KCTD16: variants seen among roughly 807,000 people sequenced by gnomAD.
The protein encoded by KCTD16 is potassium channel tetramerization domain containing 16.
Under a neutral mutation model 33.2 loss-of-function variants are expected in KCTD16, and 13 were observed. That is an observed-to-expected ratio of 0.39 (90% CI 0.25 to 0.62). The LOEUF is 0.62. Ranked by LOEUF, KCTD16 falls within the 20% of genes least tolerant of loss-of-function variation. The pLI is 0.50. For missense variants in KCTD16, 441 were observed against 525.1 expected, an observed-to-expected ratio of 0.84 and a Z score of 1.57; for synonymous variants, 197 against 195.3, an observed-to-expected ratio of 1.01 and a Z score of -0.07.
rs887786865 is a variant in KCTD16, at chr5:144,484,304, G to A, written c.*10190G>A. 2 of 151,844 alleles carry A rather than the reference G, an allele frequency of 1.3e-5. No individual in the cohort carries two copies. Among genetic ancestry groups the A allele is most frequent in the African/African-American group, 4.8e-5 (2 of 41,384 alleles). 9.4% of individuals were successfully genotyped at this position (151,844 alleles called of 1,614,324 possible). ...GAGCTGCACTTCAGAGAGTCCCACT[G>A]TAATCTGTTAATAGAATCTGCTTTA... On this transcript the variant is annotated 3_prime_UTR_variant, in exon 4 of 4. Coordinates refer to ENST00000512467, the MANE Select transcript of KCTD16 (RefSeq NM_020768.4).
intron 3 of KCTD16, among the ~76,000 whole-genome samples, chr5:144,400,228 T>C (rs973581396): frequency 4.6e-5 from 7 of 152,094 alleles, no homozygotes; most frequent in Admixed American, 3.3e-4. Context: ...GGGAGAGCAA[T>C]GAGGAGGCTT....
chr5:144,276,013 AT>A (rs1414306777), intron 3 of KCTD16, among the ~76,000 whole-genome samples: 3 of 152,312 alleles, frequency 2.0e-5, no homozygotes, highest in African/African-American at 7.2e-5. Context: ...TTCTGATGAA[AT>A]AAACAGGTTT....
chr5:144,344,968 A>G (rs898300033), intron 3 of KCTD16, among the ~76,000 whole-genome samples: 4 of 151,420 alleles, frequency 2.6e-5, no homozygotes, highest in African/African-American at 9.7e-5. Flanking sequence ...ATGTCCAACA[A>G]TGATAGACTG....
At chr5:144,249,332 T>C (rs573560484) in intron 3 of KCTD16, among the ~76,000 whole-genome samples, 2 of 152,198 alleles carry the variant, frequency 1.3e-5, no homozygotes, top group Non-Finnish European at 2.9e-5. Context: ...TAGAATGCTC[T>C]TTTGTAATCA....
intron 2 of KCTD16, among the ~76,000 whole-genome samples, chr5:144,185,351 A>C (rs561547487): frequency 1.3e-5 from 2 of 152,338 alleles, no homozygotes; most frequent in South Asian, 4.1e-4. Flanking sequence ...AATTGATAGC[A>C]TTGTAGGAAG....
intron 3 of KCTD16, among the ~76,000 whole-genome samples, chr5:144,215,731 GT>G (rs1753544621): frequency 6.6e-6 from 1 of 152,236 alleles, no homozygotes; most frequent in Non-Finnish European, 1.5e-5. Flanking sequence ...AGAAGCCTTA[GT>G]AAATATGAGG....
intron 3 of KCTD16, among the ~76,000 whole-genome samples, chr5:144,289,505 C>T (rs7711546): frequency 0.17 from 26,228 of 152,136 alleles, 2,604 homozygotes; most frequent in East Asian, 0.51. Flanking sequence ...GTTGAGAGGG[C>T]ACTGCCACAC....
intron 3 of KCTD16, among the ~76,000 whole-genome samples, chr5:144,250,404 G>A (rs1454311813): frequency 6.6e-6 from 1 of 152,184 alleles, no homozygotes; most frequent in African/African-American, 2.4e-5. Flanking sequence ...TATGGGGAGG[G>A]AAGTGGGGTC....
At chr5:144,413,941 A>C (rs1272604956) in intron 3 of KCTD16, among the ~76,000 whole-genome samples, 1 of 152,158 alleles carries the variant, frequency 6.6e-6, no homozygotes, top group Non-Finnish European at 1.5e-5. Context: ...TTCTCTGTGG[A>C]TTGCAGAGTC....
At chr5:144,447,579 A>AGAAAG (rs1276147257) in intron 3 of KCTD16, among the ~76,000 whole-genome samples, 2 of 152,050 alleles carry the variant, frequency 1.3e-5, no homozygotes, top group Non-Finnish European at 2.9e-5. Context: ...AAAAGAAAAA[A>AGAAAG]CAAAAGAAAA....
chr5:144,416,639 A>G (rs149986321), intron 3 of KCTD16, among the ~76,000 whole-genome samples: 52 of 152,310 alleles, frequency 3.4e-4, no homozygotes, highest in African/African-American at 1.2e-3. Flanking sequence ...GCATAACATA[A>G]AATTAATCAT....
intron 3 of KCTD16, among the ~76,000 whole-genome samples, chr5:144,330,854 T>C (rs925104643): frequency 6.6e-6 from 1 of 152,182 alleles, no homozygotes; most frequent in African/African-American, 2.4e-5. Context: ...TTCCGTATCT[T>C]TTTCTTCCCA....
intron 3 of KCTD16, among the ~76,000 whole-genome samples, chr5:144,240,954 G>T (rs1471988454): frequency 6.6e-6 from 1 of 152,118 alleles, no homozygotes; most frequent in Admixed American, 6.6e-5. Flanking sequence ...GATACAAGAA[G>T]TATATCTCTG....
chr5:144,383,036 A>G (rs149772267), intron 3 of KCTD16: 89 of 152,188 alleles, frequency 5.8e-4, no homozygotes, highest in African/African-American at 2.1e-3. Context: ...CTTAACTTCT[A>G]CTCATTTCTT....
At chr5:144,188,340 T>C (rs891972087) in intron 2 of KCTD16, among the ~76,000 whole-genome samples, 1 of 152,222 alleles carries the variant, frequency 6.6e-6, no homozygotes, top group Non-Finnish European at 1.5e-5. Flanking sequence ...CCTAGATCTG[T>C]TTTCTTATGT....
intron 3 of KCTD16, among the ~76,000 whole-genome samples, chr5:144,416,430 G>A (rs1437453484): frequency 6.6e-6 from 1 of 152,178 alleles, no homozygotes; most frequent in Non-Finnish European, 1.5e-5. Flanking sequence ...GAGAGTTTCT[G>A]AAGGGGAATG....
chr5:144,328,994 GATCACCCATCTAT>G (rs1163396859), intron 3 of KCTD16, among the ~76,000 whole-genome samples: 1 of 151,588 alleles, frequency 6.6e-6, no homozygotes, highest in Non-Finnish European at 1.5e-5. Flanking sequence ...CTATAAATAT[GATCACCCATCTAT>G]ATCCCAGGCT....
intron 3 of KCTD16, among the ~76,000 whole-genome samples, chr5:144,374,153 T>C (rs1420154272): frequency 6.6e-6 from 1 of 152,220 alleles, no homozygotes; most frequent in African/African-American, 2.4e-5. Flanking sequence ...AGGTTTTCTG[T>C]GTTAGAATTT....
At chr5:144,345,126 G>A (rs947981194) in intron 3 of KCTD16, among the ~76,000 whole-genome samples, 5 of 148,320 alleles carry the variant, frequency 3.4e-5, no homozygotes, top group South Asian at 2.2e-4. Context: ...AACACCGCAT[G>A]TTCTCACTCC....
Sources: gnomAD v4.1 joint callset for allele counts (sites outside exome capture counted in the v4.1 genomes callset) on GRCh38, gnomAD v4.1.1 for gene constraint, MANE v1.5 for transcripts, NCBI Gene and HGNC (gene_info 2026-07-23, HGNC 2026-07-21) for gene names.